The following ACAA2 variants were observed in gnomAD, a reference collection of about 807,000 sequenced individuals.
ACAA2 encodes the protein 3-ketoacyl-CoA thiolase, mitochondrial.
A neutral mutation model predicts 44.8 loss-of-function variants in ACAA2; 35 were observed. That is an observed-to-expected ratio of 0.78 (90% CI 0.60 to 1.04). The LOEUF (loss-of-function observed/expected upper bound fraction) is 1.04. Ranked by LOEUF, ACAA2 falls within the 50% of genes least tolerant of loss-of-function variation. The pLI, the probability that ACAA2 is intolerant of heterozygous loss-of-function variation, is 0.00. For synonymous variants in ACAA2, 142 were observed against 166.5 expected, an observed-to-expected ratio of 0.85 and a Z score of 1.13; for missense variants, 468 against 482.6, an observed-to-expected ratio of 0.97 and a Z score of 0.28.
chr18:49,798,618 T>C (rs1176795384), intron 2 of ACAA2, among the ~76,000 whole-genome samples: 1 of 152,202 alleles, frequency 6.6e-6, no homozygotes. Context: ...TACTATTCTT[T>C]TAACTTTTGT....
chr18:49,794,473 T>G, intron 4 of ACAA2, 46 bp from the exon 5 acceptor site: 1 of 1,398,682 alleles, frequency 7.1e-7, no homozygotes, highest in African/African-American at 1.5e-5. Flanking sequence ...CATTTCCTTT[T>G]AAAAGTAATA....
chr18:49,792,222 G>A lies in ACAA2; in HGVS notation c.683C>T (p.Thr228Ile), dbSNP rs1568586230. ...QVDEHARPQT[T>I]LEQLQKLPPV... Reference sequence around the variant, plus strand: ...AGGAAGTTTCTGTAACTGTTCCAGGGTGGTTTGGGGCCGAGCATGCTCGTC... The same window carrying A: ...AGGAAGTTTCTGTAACTGTTCCAGGATGGTTTGGGGCCGAGCATGCTCGTC... The change falls in exon 6 of 10, where the codon ACC (threonine) becomes ATC (isoleucine). Residue 228 changes from threonine (T) to isoleucine (I), a missense_variant. Physicochemically the swap from Thr to Ile is moderately conservative, Grantham distance 89. Coordinates refer to ENST00000285093, the MANE Select transcript of ACAA2 (RefSeq NM_006111.3). 6.2e-7 allele frequency: 1 copy of A among 1,614,038 alleles called. No homozygotes were observed. Among genetic ancestry groups the A allele is most frequent in the Non-Finnish European group, 8.5e-7 (1 of 1,179,976 alleles).
chr18:49,795,481 C>T (rs1457974495), intron 4 of ACAA2, among the ~76,000 whole-genome samples: 1 of 152,102 alleles, frequency 6.6e-6, no homozygotes. Context: ...TCTTCCCTTC[C>T]TCCATCTCTC....
At chr18:49,797,812 T>C (rs563588433) in intron 2 of ACAA2, among the ~76,000 whole-genome samples, 22 of 152,304 alleles carry the variant, frequency 1.4e-4, no homozygotes, top group Non-Finnish European at 2.4e-4. Context: ...TATTTTTTTA[T>C]TGGGGCAAAA....
At position 49,787,268 on chromosome 18, in the gene ACAA2, A is replaced by AAAC. The variant is rs1555789750; in HGVS notation, c.954+22_954+23insGTT. 4 of 1,429,082 alleles carry AAAC rather than the reference A, an allele frequency of 2.8e-6. No homozygotes were observed. The African/African-American group carries it at 4.7e-5, about 17-fold the overall frequency. 88.5% of individuals were successfully genotyped at this position (1,429,082 alleles called of 1,614,324 possible). A position where few individuals can be genotyped will look rare whatever the true frequency, so the allele number is the denominator to read the frequency against. On this transcript the variant is annotated intron_variant, in intron 8 of 9. Transcript: ENST00000285093. ...TGGTTTATTCATGTTGTTAAAAAAA[A>AAAC]AAAAAAAAAAAAAAACACTTACCTC...
chr18:49,791,804 AG>A (rs772535681), intron 6 of ACAA2, among the ~76,000 whole-genome samples: 9 of 152,182 alleles, frequency 5.9e-5, no homozygotes, highest in Non-Finnish European at 1.3e-4. Context: ...AACAAGGAAA[AG>A]GGTGTCAAGG....
intron 5 of ACAA2, among the ~76,000 whole-genome samples, chr18:49,793,212 T>C (rs2023426381): frequency 6.6e-6 from 1 of 152,242 alleles, no homozygotes; most frequent in African/African-American, 2.4e-5. Flanking sequence ...GTAAAACATC[T>C]TACCTACTTT....
chr18:49,800,284 C>T (rs1224287691), intron 2 of ACAA2, among the ~76,000 whole-genome samples: 1 of 149,622 alleles, frequency 6.7e-6, no homozygotes, highest in African/African-American at 2.5e-5. Flanking sequence ...GGGGGGTCAG[C>T]CCCCCGCCCG....
intron 6 of ACAA2, 47 bp from the exon 7 acceptor site, chr18:49,791,646 T>G: frequency 6.3e-7 from 1 of 1,595,308 alleles, no homozygotes; most frequent in Non-Finnish European, 8.6e-7. Flanking sequence ...AATAATCCAG[T>G]TAATCAAAGT....
intron 1 of ACAA2, among the ~76,000 whole-genome samples, chr18:49,811,061 TAAC>T (rs1263419356): frequency 6.6e-6 from 1 of 150,556 alleles, no homozygotes; most frequent in Non-Finnish European, 1.5e-5. Flanking sequence ...GTCTAAAACT[TAAC>T]AATCTTTAAC....
intron 7 of ACAA2, among the ~76,000 whole-genome samples, chr18:49,788,347 A>G (rs1266263285): frequency 6.6e-6 from 1 of 152,260 alleles, no homozygotes; most frequent in African/African-American, 2.4e-5. Context: ...TTTACCTTAT[A>G]AAATGGAAAA....
chr18:49,813,423 G>T, intron 1 of ACAA2, 46 bp downstream of exon 1: 1 of 1,228,906 alleles, frequency 8.1e-7, no homozygotes, highest in Non-Finnish European at 1.0e-6. Context: ...GCCTGGGGAG[G>T]GCAGGACCCC....
At chr18:49,794,191 T>G in intron 5 of ACAA2, 89 bp downstream of exon 5, 1 of 938,112 alleles carries the variant, frequency 1.1e-6, no homozygotes, top group Non-Finnish European at 1.4e-6. Flanking sequence ...GTATGATTTG[T>G]AAATATTATA....
At chr18:49,809,251 AAC>A (rs1479750423) in intron 1 of ACAA2, among the ~76,000 whole-genome samples, 1 of 152,198 alleles carries the variant, frequency 6.6e-6, no homozygotes, top group Non-Finnish European at 1.5e-5. Context: ...ATATTGCTCA[AAC>A]ACACGTTTTA....
intron 8 of ACAA2, 198 bp from the exon 9 acceptor site, chr18:49,785,549 G>A (rs936254425): frequency 3.5e-6 from 2 of 577,268 alleles, no homozygotes; most frequent in Non-Finnish European, 6.0e-6. Context: ...AATACTTTTA[G>A]TCAAATGCAT....
chr18:49,785,453 C>CA (rs1387902708), intron 8 of ACAA2, 102 bp from the exon 9 acceptor site: 3 of 1,172,656 alleles, frequency 2.6e-6, no homozygotes, highest in Admixed American at 2.7e-5. Flanking sequence ...GCTGTTTCTT[C>CA]CTATTTAAAT....
chr18:49,799,539 T>C (rs1299758329), intron 2 of ACAA2, among the ~76,000 whole-genome samples: 2 of 152,134 alleles, frequency 1.3e-5, no homozygotes, highest in African/African-American at 2.4e-5. Context: ...CAGGCTGGAG[T>C]GCAGTGGCGT....
intron 5 of ACAA2, 131 bp downstream of exon 5, chr18:49,794,149 G>T: frequency 1.4e-6 from 1 of 737,994 alleles, no homozygotes; most frequent in Non-Finnish European, 1.9e-6. Flanking sequence ...TAAAGACAAA[G>T]GAATAATGAA....
intron 8 of ACAA2, 64 bp from the exon 9 acceptor site, chr18:49,785,415 T>C (rs939851091): frequency 2.0e-6 from 3 of 1,537,604 alleles, no homozygotes; most frequent in Non-Finnish European, 2.7e-6. Flanking sequence ...TAAATGAGAA[T>C]GGTCCAGTCC....
Sources: gnomAD v4.1 joint callset for allele counts (sites outside exome capture counted in the v4.1 genomes callset) on GRCh38, gnomAD v4.1.1 for gene constraint, MANE v1.5 for transcripts, NCBI Gene and HGNC (gene_info 2026-07-23, HGNC 2026-07-21) for gene names.